Variants in CARD9 observed in about 807,000 individuals in gnomAD.
CARD9 encodes caspase recruitment domain-containing protein 9.
In CARD9, 53 loss-of-function variants were observed where a neutral mutation model predicts 66.0. The observed-to-expected ratio is 0.80, with a 90% CI of 0.64 to 1.01. CARD9 has a LOEUF of 1.01. Among genes scored for constraint, CARD9 ranks in the 50% least tolerant of loss-of-function variants. The pLI is 0.00. For synonymous variants in CARD9, 387 were observed against 313.8 expected, an observed-to-expected ratio of 1.23 and a Z score of -2.47; for missense variants, 769 against 743.2, an observed-to-expected ratio of 1.03 and a Z score of -0.40.
chr9:136,369,409 A>G (rs1833202641), intron 7 of CARD9, among the ~76,000 whole-genome samples: 1 of 152,242 alleles, frequency 6.6e-6, no homozygotes, highest in Non-Finnish European at 1.5e-5. Flanking sequence ...TGTAAGGTGG[A>G]GCGGGAAGGT....
chr9:136,367,226 C>G lies in CARD9; in HGVS notation c.1301G>C (p.Arg434Thr). The change falls in exon 9 of 13, where the codon AGG becomes ACG. Residue 434 changes from arginine to threonine, a missense_variant. By Grantham distance (71) the Arg-to-Thr change is moderately conservative. Coordinates refer to ENST00000371732, the MANE Select transcript of CARD9 (RefSeq NM_052813.5). ...TGGGGTCTCACTCACCTCCTGGGAC[C>G]TCCTGGGTGAGCCATCTTCCAGGTC... ...SSDLEDGSPR[R>T]SQELSLPQDL... 1 of 1,612,830 alleles carries G rather than the reference C, an allele frequency of 6.2e-7. No homozygotes were observed. Among genetic ancestry groups the G allele is most frequent in the South Asian group, 1.1e-5 (1 of 90,950 alleles).
intron 10 of CARD9, 153 bp from the exon 11 acceptor site, chr9:136,365,370 A>G (rs1833098398): frequency 2.8e-6 from 2 of 705,698 alleles, no homozygotes. Context: ...CTTTCTGTAG[A>G]TGAGACTGAG....
Position 136,364,097 on chromosome 9 carries a change from C to A in CARD9, c.*205G>T. On this transcript the variant is annotated 3_prime_UTR_variant, in exon 13 of 13. Transcript: ENST00000371732. ...CGTGTGCATGGGGGTGGTGAGCACC[C>A]GCATGGCCTCCGCAAAATGAGTGCC... 3 of 1,550,476 alleles carry A rather than the reference C, an allele frequency of 1.9e-6. No individual in the cohort carries two copies. Among genetic ancestry groups the A allele is most frequent in the Non-Finnish European group, 2.6e-6 (3 of 1,146,856 alleles).
rs1564365404 is a variant in CARD9, at chr9:136,364,062, AC to A, written c.*239del. On this transcript the variant is annotated 3_prime_UTR_variant, in exon 13 of 13. Transcript: ENST00000371732. ...GTGAAACAGAACAGATCCTGAAGTT[AC>A]ACAGATGGCGTGTGCATGGGGGTGG... The A allele has an allele frequency of 6.5e-7, 1 of 1,541,326 alleles. No individual in the cohort carries two copies. The highest frequency in any genetic ancestry group is 2.0e-5 in the Admixed American group (1 of 51,006).
chr9:136,370,143 G>A, intron 6 of CARD9, 151 bp downstream of exon 6: 1 of 1,450,150 alleles, frequency 6.9e-7, no homozygotes, highest in South Asian at 1.4e-5. Context: ...GCAAGGAGAG[G>A]GCACCGTCCA....
intron 9 of CARD9, 151 bp downstream of exon 9, chr9:136,367,065 C>T: frequency 9.5e-7 from 1 of 1,055,720 alleles, no homozygotes; most frequent in Non-Finnish European, 1.4e-6. Context: ...CATCAGAGGC[C>T]TTAGCATTTG....
At chr9:136,371,250 G>C (rs1833262367) in intron 3 of CARD9, 74 bp downstream of exon 3, 1 of 1,577,062 alleles carries the variant, frequency 6.3e-7, no homozygotes, top group Admixed American at 1.8e-5. Context: ...ATGGGGGCCA[G>C]GCAGAGGACC....
Position 136,370,311 on chromosome 9 carries a change from C to A in CARD9, c.934G>T (p.Glu312Ter). The A allele has an allele frequency of 6.2e-7, 1 of 1,605,760 alleles. No individual in the cohort carries two copies. The highest frequency in any genetic ancestry group is 8.5e-7 in the Non-Finnish European group (1 of 1,179,036). Residue 312 changes from glutamate (E) to a stop codon, truncating the protein, a stop_gained, in exon 6 of 13, where the codon GAG becomes TAG. Coordinates refer to ENST00000371732, the MANE Select transcript of CARD9 (RefSeq NM_052813.5). LOFTEE classifies it high-confidence loss of function. The stretch of plus-strand genomic sequence containing the variant: ...CCTCCTACCCGGAGGCGTCGGGCCT[C>A]GCCCTGGCGGAGGTCCTTGCGCAGG... ...FSLRKDLRQG[E>*]ARRLRCMEEK...
At chr9:136,367,080 C>A in intron 9 of CARD9, 136 bp downstream of exon 9, 4 of 1,150,190 alleles carry the variant, frequency 3.5e-6, no homozygotes, top group Non-Finnish European at 5.0e-6. Flanking sequence ...CATTTGGCCA[C>A]CTGCTCTTCC....
rs1833135731 is a variant in CARD9, at chr9:136,366,841, G to A, written c.1316C>T (p.Ser439Leu). 1 of 1,613,048 alleles carries A rather than the reference G, an allele frequency of 6.2e-7. No individual in the cohort carries two copies. Among genetic ancestry groups the A allele is most frequent in the Non-Finnish European group, 8.5e-7 (1 of 1,179,934 alleles). ...DGSPRRSQELSLPQDLEDTQL... is the reference protein window; with the variant it reads ...DGSPRRSQELLLPQDLEDTQL... ...GGTGTCCTCCAGGTCCTGGGGGAGT[G>A]AGAGCTTCCAAAGAGAGTCAAGATG... is the stretch of plus-strand genomic sequence containing the variant. The change falls in exon 10 of 13, where the codon TCA (serine) becomes TTA (leucine). Residue 439 changes from serine (S) to leucine (L), a missense_variant. Physicochemically the swap from Ser to Leu is moderately radical, Grantham distance 145. Transcript: ENST00000371732.
chr9:136,364,768 A>G (rs1833078111), intron 11 of CARD9: 3 of 616,720 alleles, frequency 4.9e-6, no homozygotes, highest in Admixed American at 5.9e-5. Context: ...AGATGCCAAG[A>G]CACACCCAGG....
chr9:136,368,667 G>A (rs889091861), intron 7 of CARD9, among the ~76,000 whole-genome samples: 18 of 152,222 alleles, frequency 1.2e-4, no homozygotes, highest in South Asian at 8.3e-4. Flanking sequence ...GCCCTGCCCC[G>A]CGACGCTCCA....
intron 11 of CARD9, chr9:136,364,828 A>G: frequency 1.7e-6 from 1 of 597,398 alleles, no homozygotes; most frequent in Non-Finnish European, 3.0e-6. Context: ...TTTCTACAAC[A>G]AAGCCCGAGG....
At position 136,365,438 on chromosome 9, in the gene CARD9, G is replaced by A; in HGVS notation, c.1358-221C>T. On this transcript the variant is annotated intron_variant, in intron 10 of 12. Coordinates refer to ENST00000371732, the MANE Select transcript of CARD9 (RefSeq NM_052813.5). The stretch of plus-strand genomic sequence containing the variant: ...CAGGAGGCCGCCAGATGCCAGCCCA[G>A]GCCCAACGCTCCCGCCAGTGACCAT... The A allele has an allele frequency of 6.9e-6, 4 of 583,174 alleles. No homozygotes were observed. In the South Asian group the frequency reaches 8.1e-5, roughly 12 times the overall value. The allele number at this position is 583,174 out of a possible 1,614,324, so 36.1% of individuals were successfully genotyped here.
At position 136,366,804 on chromosome 9, in the gene CARD9, G is replaced by A. The variant is rs375345378; in HGVS notation, c.1353C>T (p.Asp451=). Residue 451 remains aspartate, a synonymous_variant, in exon 10 of 13, where the codon GAC becomes GAT. Transcript: ENST00000371732. ...GTACTGCTGTCCCCACCTCACCTTT[G>A]TCTGAGAGCTGGGTGTCCTCCAGGT... ...PQDLEDTQLS[D]KGCLAGGGSP... is the part of the protein sequence containing the mutation. 1.9e-6 allele frequency: 3 copies of A among 1,612,974 alleles called. No homozygotes were observed. Among genetic ancestry groups the A allele is most frequent in the Admixed American group, 1.7e-5 (1 of 60,006 alleles).
chr9:136,367,586 C>A, intron 8 of CARD9, 51 bp downstream of exon 8: 1 of 1,518,524 alleles, frequency 6.6e-7, no homozygotes, highest in South Asian at 1.2e-5. Flanking sequence ...GCTCCCCTGG[C>A]CCTGCATCCC....
intron 7 of CARD9, among the ~76,000 whole-genome samples, chr9:136,369,391 G>A (rs977553388): frequency 1.8e-4 from 28 of 152,262 alleles, no homozygotes; most frequent in African/African-American, 6.5e-4. Flanking sequence ...ATAGATGACA[G>A]GTAAGTCTGT....
intron 1 of CARD9, among the ~76,000 whole-genome samples, chr9:136,373,058 G>A (rs1376774949): frequency 6.6e-6 from 1 of 152,260 alleles, no homozygotes; most frequent in African/African-American, 2.4e-5. Context: ...GACTGGGACT[G>A]CGGCAAGGCT....
intron 8 of CARD9, 151 bp downstream of exon 8, chr9:136,367,486 G>T: frequency 9.7e-7 from 1 of 1,031,356 alleles, no homozygotes; most frequent in Non-Finnish European, 1.4e-6. Context: ...CTGCTCGTGT[G>T]CCCTCACCCC....
Sources: gnomAD v4.1 joint callset for allele counts (sites outside exome capture counted in the v4.1 genomes callset) on GRCh38, gnomAD v4.1.1 for gene constraint, MANE v1.5 for transcripts, NCBI Gene and HGNC (gene_info 2026-07-23, HGNC 2026-07-21) for gene names.